NOP9: variants seen among roughly 807,000 people sequenced by gnomAD.
NOP9 encodes the protein NOP9 nucleolar protein, also known as nucleolar protein 9.
In NOP9, 50 loss-of-function variants were observed where a neutral mutation model predicts 63.0. The ratio of observed to expected loss-of-function variants is 0.79; its 90% CI spans 0.63 to 1.00. The LOEUF (loss-of-function observed/expected upper bound fraction) is 1.00. NOP9 is among the 50% of genes least tolerant of loss of function. The pLI is 0.00. For synonymous variants in NOP9, 343 were observed against 332.8 expected (o/e 1.03, Z -0.33); for missense variants, 758 against 803.0 (o/e 0.94, Z 0.68).
chr14:24,284,692 A>G, the NOP9 span, among the ~76,000 whole-genome samples: 1 of 152,184 alleles, frequency 6.6e-6, no homozygotes, highest in Non-Finnish European at 1.5e-5. Context: ...CTTCAGCGAC[A>G]GTGCCAAGGC....
At chr14:24,300,979 C>T in intron 2 of NOP9, 122 bp downstream of exon 2, 1 of 778,508 alleles carries the variant, frequency 1.3e-6, no homozygotes, top group Non-Finnish European at 2.0e-6. Flanking sequence ...TTAGCTTGAC[C>T]TGTCCTAATC....
chr14:24,295,016 A>C (rs572043917), upstream of NOP9, among the ~76,000 whole-genome samples: 2 of 152,294 alleles, frequency 1.3e-5, no homozygotes. Flanking sequence ...TAAAAAGTAC[A>C]TATTCTTTGT....
rs370279393 is a variant in NOP9, at chr14:24,307,884, G to T, written c.*2789G>T. ...GGTGGACCGGAGAGTTCCTTCCCTG[G>T]AACTTCTGGGCTGGGTGGTTCTCTC... On this transcript the variant is annotated 3_prime_UTR_variant, in exon 10 of 10. Transcript: ENST00000267425. The T allele has an allele frequency of 6.4e-6, 10 of 1,572,352 alleles. No homozygotes were observed. The highest frequency in any genetic ancestry group is 5.6e-5 in the Admixed American group (3 of 53,680).
Position 24,305,997 on chromosome 14 carries a change from G to C in NOP9, c.*902G>C, listed in dbSNP as rs780437046. The stretch of plus-strand genomic sequence containing the variant: ...CTTGAAAGTCACAACTCATAGAGTA[G>C]AGCCCGTAGAATGTGGCTTTGACAT... On this transcript the variant is annotated 3_prime_UTR_variant, in exon 10 of 10. Transcript: ENST00000267425. 3.1e-6 allele frequency: 5 copies of C among 1,614,088 alleles called. No homozygotes were observed. Among genetic ancestry groups the C allele is most frequent in the Admixed American group, 3.3e-5 (2 of 60,008 alleles).
chr14:24,306,615 T>A lies in NOP9; in HGVS notation c.*1520T>A, dbSNP rs1322578482. On this transcript the variant is annotated 3_prime_UTR_variant, in exon 10 of 10. Transcript: ENST00000267425. ...ACATCCATCAGTTGGCTCTAGACAT[T>A]GGTCGATGTCCCACTTTGACTTTCC... 5 of 1,539,866 alleles carry A rather than the reference T, an allele frequency of 3.2e-6. No homozygotes were observed. Among genetic ancestry groups the A allele is most frequent in the Non-Finnish European group, 4.5e-6 (5 of 1,119,964 alleles).
At chr14:24,284,950 G>A in the NOP9 span, among the ~76,000 whole-genome samples, 1 of 152,140 alleles carries the variant, frequency 6.6e-6, no homozygotes, top group Non-Finnish European at 1.5e-5. Context: ...TTCTACTCAT[G>A]GGCCCAAAGG....
At chr14:24,296,394 G>T, upstream of NOP9, 2 of 991,396 alleles carry the variant, frequency 2.0e-6, no homozygotes, top group Non-Finnish European at 3.1e-6. Context: ...ATGGAAGGGA[G>T]AAGAAAGAGA....
chr14:24,292,644 G>T, the NOP9 span: 1 of 1,614,190 alleles, frequency 6.2e-7, no homozygotes, highest in Non-Finnish European at 8.5e-7. Flanking sequence ...ATGCCACTGG[G>T]TCCTCACCGC....
rs757470795 is a variant in NOP9, at chr14:24,306,330, C to T, written c.*1235C>T. ...GCTAGAGAGGAAGCCCGGGAAAGCT[C>T]TAAAGGACAGGCATTGGAAGCAGCC... On this transcript the variant is annotated 3_prime_UTR_variant, in exon 10 of 10. Transcript: ENST00000267425. 9 of 1,612,946 alleles carry T rather than the reference C, an allele frequency of 5.6e-6. No individual in the cohort carries two copies. The highest frequency in any genetic ancestry group is 7.6e-6 in the Non-Finnish European group (9 of 1,179,190).
At chr14:24,275,659 A>AGCCCTGGGTCAGGGCCCTGGGCCAGG in the NOP9 span, among the ~76,000 whole-genome samples, 1 of 152,342 alleles carries the variant, frequency 6.6e-6, no homozygotes, top group African/African-American at 2.4e-5. Context: ...GGGGGCCACG[A>AGCCCTGGGTCAGGGCCCTGGGCCAGG]GCCCTGGGTC....
At chr14:24,299,757 C>T, upstream of NOP9, 1 of 612,372 alleles carries the variant, frequency 1.6e-6, no homozygotes, top group Middle Eastern at 4.6e-4. Context: ...AAGTTAGAAC[C>T]TGCGGATGGG....
chr14:24,281,846 G>C, the NOP9 span, among the ~76,000 whole-genome samples: 1 of 151,106 alleles, frequency 6.6e-6, no homozygotes, highest in Non-Finnish European at 1.5e-5. Context: ...GTGAGCTTGG[G>C]AAAGCTTTCA....
At chr14:24,275,768 G>T in the NOP9 span, among the ~76,000 whole-genome samples, 1 of 152,218 alleles carries the variant, frequency 6.6e-6, no homozygotes, top group Non-Finnish European at 1.5e-5. Context: ...CTGTCTCCGG[G>T]CCATGTGCAG....
Position 24,306,032 on chromosome 14 carries a change from C to T in NOP9, c.*937C>T. The stretch of plus-strand genomic sequence containing the variant: ...AATGTGGCTTTGACATTCAGGCTGC[C>T]AAAGAGGTCTCGAGGGTTTTGCTTG... On this transcript the variant is annotated 3_prime_UTR_variant, in exon 10 of 10. Transcript: ENST00000267425. The T allele has an allele frequency of 1.2e-6, 2 of 1,614,162 alleles. No homozygotes were observed. Among genetic ancestry groups the T allele is most frequent in the East Asian group, 2.2e-5 (1 of 44,882 alleles).
the NOP9 span, chr14:24,290,972 A>T: frequency 1.2e-6 from 2 of 1,614,126 alleles, no homozygotes; most frequent in Non-Finnish European, 1.7e-6. Context: ...GAGCTCAAAG[A>T]CAAATAGTCT....
the NOP9 span, among the ~76,000 whole-genome samples, chr14:24,274,906 C>CT: frequency 0.5 from 41,568 of 83,728 alleles, 11,905 homozygotes; most frequent in Non-Finnish European, 0.63. Flanking sequence ...CCATGTCCGG[C>CT]TTTTTTTTTT....
chr14:24,299,103 C>T (rs1313927394), upstream of NOP9: 3 of 1,611,874 alleles, frequency 1.9e-6, 1 homozygote, highest in Middle Eastern at 3.3e-4. Context: ...ATGGGAGCTG[C>T]CATGACTCAC....
chr14:24,291,156 C>A, the NOP9 span: 1 of 1,614,172 alleles, frequency 6.2e-7, no homozygotes, highest in South Asian at 1.1e-5. Context: ...ATCCCGAAGG[C>A]CATAGCGTCG....
At position 24,307,518 on chromosome 14, in the gene NOP9, G is replaced by C. The variant is rs1337137612; in HGVS notation, c.*2423G>C. ...CCGAGCTTATATTAGATACTGACCT[G>C]GTAGTTGAGAAGAAAAGTCAAGAAG... On this transcript the variant is annotated 3_prime_UTR_variant, in exon 10 of 10. Transcript: ENST00000267425. 2 of 1,612,124 alleles carry C rather than the reference G, an allele frequency of 1.2e-6. No homozygotes were observed. Among genetic ancestry groups the C allele is most frequent in the African/African-American group, 2.7e-5 (2 of 74,838 alleles).
Sources: allele counts gnomAD v4.1 joint callset (sites outside exome capture counted in the v4.1 genomes callset), GRCh38; gene constraint gnomAD v4.1.1; transcripts MANE v1.5; gene names NCBI Gene and HGNC (gene_info 2026-07-23, HGNC 2026-07-21).